Variants in SLC16A14 observed in about 807,000 individuals in gnomAD.
SLC16A14 encodes the protein monocarboxylate transporter 14.
Under a neutral mutation model 35.8 loss-of-function variants are expected in SLC16A14, and 14 were observed. The observed-to-expected ratio is 0.39, with a 90% CI of 0.26 to 0.61. SLC16A14 has a LOEUF of 0.61. SLC16A14 is among the 20% of genes least tolerant of loss of function. The probability of loss-of-function intolerance (pLI) is 0.51; values close to 1 mark genes in which losing one functional copy is unlikely to be tolerated. For missense variants in SLC16A14, 533 were observed against 655.0 expected, an observed-to-expected ratio of 0.81 and a Z score of 2.03; for synonymous variants, 248 against 258.9, an observed-to-expected ratio of 0.96 and a Z score of 0.40.
chr2:230,042,004 G>A (rs2077564401), intron 4 of SLC16A14, among the ~76,000 whole-genome samples: 1 of 152,196 alleles, frequency 6.6e-6, no homozygotes, highest in Non-Finnish European at 1.5e-5. Context: ...GCCAATGAAT[G>A]TTGTTCATCA....
chr2:230,047,950 C>T (rs2077623121), intron 3 of SLC16A14, among the ~76,000 whole-genome samples: 1 of 152,162 alleles, frequency 6.6e-6, no homozygotes, highest in African/African-American at 2.4e-5. Flanking sequence ...TTAAACTATG[C>T]TTCAAAGGAT....
At chr2:230,044,994 G>A (rs140976029) in intron 4 of SLC16A14, among the ~76,000 whole-genome samples, 10 of 152,276 alleles carry the variant, frequency 6.6e-5, no homozygotes, top group African/African-American at 1.4e-4. Context: ...CTGCCACATG[G>A]TGTTTTGGAA....
Position 230,046,207 on chromosome 2 carries a change from T to C in SLC16A14, c.919A>G (p.Thr307Ala). 6.2e-7 allele frequency: 1 copy of C among 1,614,208 alleles called. No individual in the cohort carries two copies. The highest frequency in any genetic ancestry group is 8.5e-7 in the Non-Finnish European group (1 of 1,180,024). The change falls in exon 4 of 5, where the codon ACA becomes GCA. Residue 307 changes from threonine to alanine, a missense_variant. Coordinates refer to ENST00000295190, the MANE Select transcript of SLC16A14 (RefSeq NM_152527.5). The surrounding 1 kb of genome is among the most constrained non-coding windows in gnomAD (Gnocchi z 5.0). Reference protein sequence around the residue: ...FEDWYSGYFGTASLFTNRMFV... With the variant: ...FEDWYSGYFGAASLFTNRMFV... ...ATTCGATTTGTAAATAGAGAGGCTG[T>C]CCCAAAGTAGCCCGAATACCAGTCC...
intron 3 of SLC16A14, among the ~76,000 whole-genome samples, chr2:230,047,931 C>T (rs1242516414): frequency 6.6e-5 from 10 of 152,094 alleles, no homozygotes; most frequent in African/African-American, 1.2e-4. Context: ...GTCCTTCAAT[C>T]AATGGTTTTT....
rs371107227 is a variant in SLC16A14, at chr2:230,037,465, A to G, written c.1448T>C (p.Ile483Thr). The G allele has an allele frequency of 8.3e-5, 134 of 1,612,950 alleles. No individual in the cohort carries two copies. The highest frequency in any genetic ancestry group is 1.1e-4 in the Non-Finnish European group (129 of 1,179,788). ...CTGAATAAGTAAAAAGAGTATTCCT[A>G]TCATGTAAAGCAAACCACATATGTA... ...SFYICGLLYM[I>T]GILFLLIQPC... Residue 483 changes from isoleucine (I) to threonine (T), a missense_variant, in exon 5 of 5, where the codon ATA (isoleucine) becomes ACA (threonine). Coordinates refer to ENST00000295190, the MANE Select transcript of SLC16A14 (RefSeq NM_152527.5).
intron 2 of SLC16A14, 23 bp from the exon 3 acceptor site, chr2:230,049,927 G>A (rs2077645390): frequency 6.2e-7 from 1 of 1,609,654 alleles, no homozygotes; most frequent in South Asian, 1.1e-5. Flanking sequence ...ATTGGAAAAG[G>A]AATTGACTAA....
Position 230,068,493 on chromosome 2 carries a change from C to G in SLC16A14, c.-15+62G>C, listed in dbSNP as rs1215302926. ...GCAGCGGCCATCTGAAACCTAGGCT[C>G]CGATGCCCCCGGCGTCGCTCCATTC... On this transcript the variant is annotated intron_variant, in intron 1 of 4. Transcript: ENST00000295190. The surrounding 1 kb of genome is among the most constrained non-coding windows in gnomAD (Gnocchi z 5.1). 6.5e-6 allele frequency: 1 copy of G among 152,734 alleles called. No homozygotes were observed. The highest frequency in any genetic ancestry group is 6.5e-5 in the Admixed American group (1 of 15,290). The allele number at this position is 152,734 out of a possible 1,614,324, so 9.5% of individuals were successfully genotyped here.
rs1181433381 is a variant in SLC16A14, at chr2:230,045,962, G to C, written c.1164C>G (p.Ala388=). 1.2e-6 allele frequency: 2 copies of C among 1,613,258 alleles called. No homozygotes were observed. Among genetic ancestry groups the C allele is most frequent in the Non-Finnish European group, 1.7e-6 (2 of 1,179,206 alleles). Residue 388 remains alanine, a synonymous_variant, in exon 4 of 5, where the codon GCC becomes GCG. Transcript: ENST00000295190. ...CISVWNVFLL[A]NFTLVLSIFI... ...AAATACTGAGGACAAGGGTGAAGTT[G>C]GCCAACAGGAAGACATTCCAAACAC...
chr2:230,037,347 T>A lies in SLC16A14; in HGVS notation c.*33A>T. On this transcript the variant is annotated 3_prime_UTR_variant, in exon 5 of 5. Coordinates refer to ENST00000295190, the MANE Select transcript of SLC16A14 (RefSeq NM_152527.5). ...AACCATGCGAGGTAGGCATGAGTAT[T>A]ACAATGAAACCTACACGGAACATTA... 2 of 1,551,064 alleles carry A rather than the reference T, an allele frequency of 1.3e-6. No homozygotes were observed. Among genetic ancestry groups the A allele is most frequent in the South Asian group, 2.5e-5 (2 of 79,636 alleles).
chr2:230,053,062 C>T (rs2077675507), intron 2 of SLC16A14, among the ~76,000 whole-genome samples: 2 of 152,138 alleles, frequency 1.3e-5, no homozygotes, highest in Non-Finnish European at 2.9e-5. Flanking sequence ...CTGCCTCAGC[C>T]TCCTGAGTAG....
Position 230,038,857 on chromosome 2 carries a change from A to G in SLC16A14, c.1382-1326T>C, listed in dbSNP as rs1460320782. On this transcript the variant is annotated intron_variant, in intron 4 of 4. Coordinates refer to ENST00000295190, the MANE Select transcript of SLC16A14 (RefSeq NM_152527.5). This position sits in a 1 kb window ranked among gnomAD's most constrained non-coding sequence, Gnocchi z 4.4. ...AGGAGGCAGAGGTTGCAGTGAGCTG[A>G]GATCGTGCCACCGCACTCCAGCCTG... Among the ~76,000 whole-genome samples, 1 of 152,190 alleles carries G rather than the reference A, an allele frequency of 6.6e-6. No homozygotes were observed. The highest frequency in any genetic ancestry group is 2.4e-5 in the African/African-American group (1 of 41,434).
intron 4 of SLC16A14, among the ~76,000 whole-genome samples, chr2:230,043,682 C>T (rs1344434099): frequency 6.6e-6 from 1 of 152,250 alleles, no homozygotes. Context: ...GTCTGAGGGC[C>T]ACCACCAGAG....
At chr2:230,047,456 C>A (rs1216792227) in intron 3 of SLC16A14, among the ~76,000 whole-genome samples, 1 of 151,932 alleles carries the variant, frequency 6.6e-6, no homozygotes, top group Non-Finnish European at 1.5e-5. Flanking sequence ...GGGACTATCA[C>A]CGTGTGTGGC....
chr2:230,068,368 T>C lies in SLC16A14; in HGVS notation c.-15+187A>G, dbSNP rs2077819962. ...CAAGCCCCCGCGGCGGCCTTGGCAC[T>C]ACCACCTGCCCCGGCACAGTCTCGC... On this transcript the variant is annotated intron_variant, in intron 1 of 4. Transcript: ENST00000295190. The surrounding 1 kb of genome is among the most constrained non-coding windows in gnomAD (Gnocchi z 5.1). 1 of 152,514 alleles carries C rather than the reference T, an allele frequency of 6.6e-6. No homozygotes were observed. The highest frequency in any genetic ancestry group is 6.5e-5 in the Admixed American group (1 of 15,292). 9.4% of individuals were successfully genotyped at this position (152,514 alleles called of 1,614,324 possible). A position where few individuals can be genotyped will look rare whatever the true frequency, so the allele number is the denominator to read the frequency against.
intron 4 of SLC16A14, 173 bp downstream of exon 4, chr2:230,045,569 AAAG>A: frequency 1.3e-6 from 1 of 764,316 alleles, no homozygotes; most frequent in Non-Finnish European, 2.1e-6. Flanking sequence ...TGAAAAAAAA[AAAG>A]AAAGAATAGG....
Position 230,037,304 on chromosome 2 carries a change from T to A in SLC16A14, c.*76A>T. The A allele has an allele frequency of 7.1e-7, 1 of 1,413,676 alleles. No individual in the cohort carries two copies. The highest frequency in any genetic ancestry group is 9.5e-7 in the Non-Finnish European group (1 of 1,055,410). 87.6% of individuals were successfully genotyped at this position (1,413,676 alleles called of 1,614,324 possible). A position where few individuals can be genotyped will look rare whatever the true frequency, so the allele number is the denominator to read the frequency against. The stretch of plus-strand genomic sequence containing the variant: ...GTACAAAATGCTTTCCCACGTCCTG[T>A]CATAGGTGCCTCACAGCAACCATGC... On this transcript the variant is annotated 3_prime_UTR_variant, in exon 5 of 5. Transcript: ENST00000295190.
At position 230,055,162 on chromosome 2, in the gene SLC16A14, C is replaced by A. The variant is rs142344162; in HGVS notation, c.259+3932G>T. Among the ~76,000 whole-genome samples, 14 of 152,280 alleles carry A rather than the reference C, an allele frequency of 9.2e-5. 1 individual carries two copies. Among genetic ancestry groups the A allele is most frequent in the African/African-American group, 3.4e-4 (14 of 41,574 alleles). ...AGTTACTTAATGTCTCTGAGTGTTG[C>A]ATATTCTTCCTCTGTAAGATACAGA... On this transcript the variant is annotated intron_variant, in intron 2 of 4. Coordinates refer to ENST00000295190, the MANE Select transcript of SLC16A14 (RefSeq NM_152527.5).
intron 3 of SLC16A14, among the ~76,000 whole-genome samples, chr2:230,048,752 T>A (rs2106257596): frequency 6.6e-6 from 1 of 151,922 alleles, no homozygotes; most frequent in South Asian, 2.1e-4. Flanking sequence ...GGAGAAACCC[T>A]GTCTCTACTA....
rs754168874 is a variant in SLC16A14 at position 230,037,535 on chromosome 2, C to T, written c.1382-4G>A. 19 of 1,583,660 alleles carry T rather than the reference C, an allele frequency of 1.2e-5. No individual in the cohort carries two copies. The highest frequency in any genetic ancestry group is 1.6e-5 in the Non-Finnish European group (19 of 1,170,284). On this transcript the variant is annotated splice_polypyrimidine_tract_variant and splice_region_variant and intron_variant, in intron 4 of 4. Coordinates refer to ENST00000295190, the MANE Select transcript of SLC16A14 (RefSeq NM_152527.5). ...TGCGTGATGTCATAGATCCACCCTA[C>T]AAAACAAAAAAGAATATATTCAGTG...
Sources: allele counts gnomAD v4.1 joint callset (sites outside exome capture counted in the v4.1 genomes callset), GRCh38; gene constraint gnomAD v4.1.1; non-coding constraint Gnocchi (gnomAD v3.1); transcripts MANE v1.5; gene names NCBI Gene and HGNC (gene_info 2026-07-23, HGNC 2026-07-21).